The following CDK13 variants were observed in gnomAD, a reference collection of about 807,000 sequenced individuals.
CDK13 encodes the protein cyclin-dependent kinase 13.
CDK13 carries 40 observed loss-of-function variants against 137.6 expected under a neutral mutation model. The observed-to-expected ratio is 0.29, with a 90% CI of 0.23 to 0.38. The LOEUF is 0.38. Ranked by LOEUF, CDK13 falls within the 10% of genes least tolerant of loss-of-function variation. The pLI, the probability that CDK13 is intolerant of heterozygous loss-of-function variation, is 1.00. For missense variants in CDK13, 1,704 were observed against 1,951.8 expected (o/e 0.87, Z 2.39); for synonymous variants, 869 against 760.1 (o/e 1.14, Z -2.36).
At chr7:39,975,766 G>A (rs962579227) in intron 1 of CDK13, among the ~76,000 whole-genome samples, 5 of 152,208 alleles carry the variant, frequency 3.3e-5, no homozygotes, top group African/African-American at 9.6e-5. Flanking sequence ...CTGGAGTCTG[G>A]TAAATAAAGA....
At position 40,088,159 on chromosome 7, in the gene CDK13, G is replaced by C; in HGVS notation, c.3063G>C (p.Trp1021Cys). The change falls in exon 12 of 14, where the codon TGG (tryptophan) becomes TGC (cysteine). Residue 1021 changes from tryptophan (W) to cysteine (C), a missense_variant. Physicochemically the swap from Trp to Cys is radical, Grantham distance 215. This residue lies in a region of CDK13 where 3 missense variants were observed against 22.1 expected (regional missense o/e 0.14). Transcript: ENST00000181839. The part of the protein sequence containing the change: ...LPLWQDCHEL[W>C]SKKRRRQKQM... ...TATGGCAAGATTGTCATGAGTTATG[G>C]AGTAAAAAGCGAAGAAGACAGAAGC... 6.2e-7 allele frequency: 1 copy of C among 1,613,716 alleles called. No individual in the cohort carries two copies. The highest frequency in any genetic ancestry group is 2.2e-5 in the East Asian group (1 of 44,862).
chr7:40,063,174 G>GTT, intron 9 of CDK13, 74 bp downstream of exon 9: 1 of 1,167,400 alleles, frequency 8.6e-7, no homozygotes. Context: ...ACTCTCCCAA[G>GTT]TTTGTCTTTT....
At chr7:40,070,865 CCTT>C (rs1786406407) in intron 9 of CDK13, 2 of 152,046 alleles carry the variant, frequency 1.3e-5, no homozygotes, top group African/African-American at 4.8e-5. Context: ...TTACCCTAAG[CCTT>C]CTAGCAGTCA....
intron 1 of CDK13, among the ~76,000 whole-genome samples, chr7:39,959,607 G>C (rs2116123027): frequency 6.6e-6 from 1 of 152,136 alleles, no homozygotes; most frequent in East Asian, 1.9e-4. Flanking sequence ...TGGGATCGCA[G>C]ATGCATGCCA....
chr7:39,960,836 A>T (rs1016373740), intron 1 of CDK13, among the ~76,000 whole-genome samples: 1 of 151,970 alleles, frequency 6.6e-6, no homozygotes, highest in Non-Finnish European at 1.5e-5. Context: ...TGGCCTGTCA[A>T]AGTGCTGGGA....
intron 5 of CDK13, among the ~76,000 whole-genome samples, chr7:40,026,416 G>A (rs896776139): frequency 6.6e-6 from 1 of 152,172 alleles, no homozygotes; most frequent in Non-Finnish European, 1.5e-5. Context: ...GGCTGAGGTA[G>A]GAGGATCCCT....
chr7:39,969,417 G>GTT (rs1367282907), intron 1 of CDK13, among the ~76,000 whole-genome samples: 2 of 152,214 alleles, frequency 1.3e-5, no homozygotes, highest in African/African-American at 4.8e-5. Context: ...ATTACATCCA[G>GTT]TTTACCCAGT....
chr7:39,967,585 G>T (rs1783900041), intron 1 of CDK13, among the ~76,000 whole-genome samples: 1 of 152,084 alleles, frequency 6.6e-6, no homozygotes, highest in Non-Finnish European at 1.5e-5. Context: ...TAAGCATACT[G>T]ATTTCAGTTC....
At chr7:39,962,847 G>A (rs1783780511) in intron 1 of CDK13, among the ~76,000 whole-genome samples, 2 of 152,180 alleles carry the variant, frequency 1.3e-5, no homozygotes, top group African/African-American at 4.8e-5. Context: ...CATAATGCTA[G>A]CTAGTTTTCC....
intron 5 of CDK13, among the ~76,000 whole-genome samples, chr7:40,040,009 CT>C (rs751184920): frequency 2.5e-3 from 335 of 133,432 alleles, no homozygotes; most frequent in Middle Eastern, 7.8e-3. Context: ...GATTCATTTG[CT>C]TTTTTTTTTT....
chr7:39,983,142 T>G (rs1322430907), intron 1 of CDK13, among the ~76,000 whole-genome samples: 2 of 152,252 alleles, frequency 1.3e-5, no homozygotes, highest in Non-Finnish European at 2.9e-5. Context: ...CTAGGGTTTT[T>G]ATGGTTTTAG....
At chr7:39,967,893 T>A (rs1562702894) in intron 1 of CDK13, among the ~76,000 whole-genome samples, 1 of 149,168 alleles carries the variant, frequency 6.7e-6, no homozygotes, top group Non-Finnish European at 1.5e-5. Context: ...ATGTCCTTTT[T>A]AAAAAAAAAA....
At chr7:40,003,680 A>T (rs534597615) in intron 5 of CDK13, among the ~76,000 whole-genome samples, 1 of 152,056 alleles carries the variant, frequency 6.6e-6, no homozygotes, top group African/African-American at 2.4e-5. Flanking sequence ...AGTGTATTTG[A>T]TTTTCCTCCA....
chr7:40,099,575 C>G lies in CDK13; in HGVS notation c.*4595C>G, dbSNP rs1423834629. ...AGTCTGTAAATAAATTGCCGTAACA[C>G]TCCCAGGCCATTTTTCAGCCTTGTT... On this transcript the variant is annotated 3_prime_UTR_variant, in exon 14 of 14. Coordinates refer to ENST00000181839, the MANE Select transcript of CDK13 (RefSeq NM_003718.5). 6.6e-6 allele frequency: 1 copy of G among 152,104 alleles called. No homozygotes were observed. Among genetic ancestry groups the G allele is most frequent in the Non-Finnish European group, 1.5e-5 (1 of 68,014 alleles). The allele number at this position is 152,104 out of a possible 1,614,324, so 9.4% of individuals were successfully genotyped here.
chr7:40,009,181 A>C (rs1784848731), intron 5 of CDK13, among the ~76,000 whole-genome samples: 1 of 152,230 alleles, frequency 6.6e-6, no homozygotes, highest in Non-Finnish European at 1.5e-5. Flanking sequence ...CATCTGTATG[A>C]TTATTGATTA....
chr7:40,089,698 TAGAG>T (rs58490010), intron 12 of CDK13, among the ~76,000 whole-genome samples: 4,766 of 140,484 alleles, frequency 0.034, 95 homozygotes, highest in South Asian at 0.045. Context: ...TGATATAAAA[TAGAG>T]AGAGAGAGAG....
At chr7:39,963,393 A>AT (rs1783794090) in intron 1 of CDK13, among the ~76,000 whole-genome samples, 1 of 152,062 alleles carries the variant, frequency 6.6e-6, no homozygotes, top group Admixed American at 6.6e-5. Context: ...GCAATTGTGA[A>AT]TGGGAGTTCA....
intron 5 of CDK13, among the ~76,000 whole-genome samples, chr7:40,044,255 A>G (rs1413811594): frequency 1.3e-5 from 2 of 150,594 alleles, no homozygotes; most frequent in Non-Finnish European, 1.5e-5. Context: ...ATTTTTTTCT[A>G]TTGTGAAGTC....
chr7:40,029,683 C>T lies in CDK13; in HGVS notation c.2354-16153C>T, dbSNP rs532655868. ...TTTTCTTTTTTTTGAGACAGCGTCT[C>T]GCTCTGTTGCCCAGGCTGGAGTACA... On this transcript the variant is annotated intron_variant, in intron 5 of 13. Transcript: ENST00000181839. Among the ~76,000 whole-genome samples, 244 of 151,692 alleles carry T rather than the reference C, an allele frequency of 1.6e-3. 1 individual carries two copies. The highest frequency in any genetic ancestry group is 0.01 in the Middle Eastern group (3 of 292).
Sources: allele counts gnomAD v4.1 joint callset (sites outside exome capture counted in the v4.1 genomes callset), GRCh38; gene constraint gnomAD v4.1.1; regional missense constraint gnomAD v4.1.1; transcripts MANE v1.5; gene names NCBI Gene and HGNC (gene_info 2026-07-23, HGNC 2026-07-21).